HECW2: variants seen among roughly 807,000 people sequenced by gnomAD.
The protein encoded by HECW2 is E3 ubiquitin-protein ligase HECW2.
In HECW2, 61 loss-of-function variants were observed where a neutral mutation model predicts 175.2. The ratio of observed to expected loss-of-function variants is 0.35; its 90% CI spans 0.28 to 0.43. The LOEUF is 0.43. Ranked by LOEUF, HECW2 falls within the 20% of genes least tolerant of loss-of-function variation. The pLI, the probability that HECW2 is intolerant of heterozygous loss-of-function variation, is 1.00. For synonymous variants in HECW2, 671 were observed against 731.0 expected, an observed-to-expected ratio of 0.92 and a Z score of 1.32; for missense variants, 1,524 against 2,000.5, an observed-to-expected ratio of 0.76 and a Z score of 4.54.
intron 17 of HECW2, among the ~76,000 whole-genome samples, chr2:196,266,605 A>C (rs1049934696): frequency 3.9e-5 from 6 of 152,226 alleles, no homozygotes; most frequent in African/African-American, 4.8e-5. Context: ...ATTTTCACCA[A>C]GTACTTCAGT....
intron 1 of HECW2, among the ~76,000 whole-genome samples, chr2:196,495,463 T>C (rs1257377369): frequency 6.6e-6 from 1 of 152,142 alleles, no homozygotes; most frequent in Non-Finnish European, 1.5e-5. Flanking sequence ...AGATGATGGA[T>C]AGCTCTAAAA....
At chr2:196,458,863 TCAA>T (rs932591793) in intron 1 of HECW2, among the ~76,000 whole-genome samples, 50 of 150,972 alleles carry the variant, frequency 3.3e-4, no homozygotes, top group African/African-American at 1.1e-3. Flanking sequence ...AGACTCTGTC[TCAA>T]CAACAACAAC....
chr2:196,588,778 T>C (rs1691078447), intron 1 of HECW2, among the ~76,000 whole-genome samples: 1 of 152,212 alleles, frequency 6.6e-6, no homozygotes, highest in African/African-American at 2.4e-5. Flanking sequence ...CAGCCATAAA[T>C]CCTAGTTTTC....
intron 2 of HECW2, among the ~76,000 whole-genome samples, chr2:196,383,227 G>A (rs1040431302): frequency 1.3e-4 from 20 of 152,192 alleles, no homozygotes; most frequent in Admixed American, 5.9e-4. Context: ...TTAAAGAGGC[G>A]TATGAAGGAG....
chr2:196,563,273 T>C (rs1690067929), intron 1 of HECW2, among the ~76,000 whole-genome samples: 1 of 151,944 alleles, frequency 6.6e-6, no homozygotes, highest in Non-Finnish European at 1.5e-5. Flanking sequence ...ACGTAAAAAA[T>C]ATTCATTCCT....
chr2:196,262,420 C>T (rs924792839), intron 17 of HECW2, among the ~76,000 whole-genome samples: 4 of 152,186 alleles, frequency 2.6e-5, no homozygotes, highest in African/African-American at 9.7e-5. Flanking sequence ...TATCATTTGG[C>T]TCTCTCTACA....
chr2:196,399,146 T>C (rs1694749368), intron 2 of HECW2, among the ~76,000 whole-genome samples: 1 of 152,188 alleles, frequency 6.6e-6, no homozygotes, highest in African/African-American at 2.4e-5. Flanking sequence ...GTTGAGCATG[T>C]ACACTCCGGA....
intron 3 of HECW2, among the ~76,000 whole-genome samples, chr2:196,341,372 C>T (rs1423635176): frequency 6.7e-6 from 1 of 149,182 alleles, no homozygotes; most frequent in Non-Finnish European, 1.5e-5. Flanking sequence ...CTTTTAAACA[C>T]CAGGATCCTT....
intron 1 of HECW2, among the ~76,000 whole-genome samples, chr2:196,528,028 G>A (rs1475644374): frequency 6.6e-6 from 1 of 152,050 alleles, no homozygotes. Context: ...CCTCTAAAAG[G>A]TTCTTTTTCC....
At chr2:196,237,575 G>A (rs184581169) in intron 21 of HECW2, among the ~76,000 whole-genome samples, 1 of 152,096 alleles carries the variant, frequency 6.6e-6, no homozygotes, top group East Asian at 1.9e-4. Context: ...TACCATGTTG[G>A]CTCTATCCAC....
intron 1 of HECW2, among the ~76,000 whole-genome samples, chr2:196,528,920 C>T (rs1373875656): frequency 2.0e-5 from 3 of 152,204 alleles, no homozygotes; most frequent in Non-Finnish European, 2.9e-5. Flanking sequence ...CTCCAAAAAC[C>T]GTTAAATGAG....
At chr2:196,300,308 T>C (rs1481489440) in intron 13 of HECW2, among the ~76,000 whole-genome samples, 1 of 152,196 alleles carries the variant, frequency 6.6e-6, no homozygotes, top group Admixed American at 6.5e-5. Flanking sequence ...CTCTGGCCCT[T>C]TATAGGAAAA....
intron 13 of HECW2, among the ~76,000 whole-genome samples, chr2:196,298,453 T>C (rs1411271428): frequency 6.6e-6 from 1 of 152,254 alleles, no homozygotes; most frequent in Non-Finnish European, 1.5e-5. Context: ...TAAGGATTAC[T>C]AGGTATTACA....
chr2:196,586,836 C>G (rs182182614), intron 1 of HECW2: 43 of 152,136 alleles, frequency 2.8e-4, no homozygotes, highest in African/African-American at 1.0e-3. Context: ...TGAACAAATG[C>G]CAAAAGCTGA....
intron 2 of HECW2, among the ~76,000 whole-genome samples, chr2:196,418,388 A>T (rs1455228117): frequency 6.6e-6 from 1 of 152,056 alleles, no homozygotes; most frequent in Admixed American, 6.5e-5. Context: ...TCGGCCTCCC[A>T]AAGTGCTGTG....
chr2:196,409,051 T>C lies in HECW2; in HGVS notation c.292+24081A>G, dbSNP rs1418801949. On this transcript the variant is annotated intron_variant, in intron 2 of 28. Coordinates refer to ENST00000644978, the MANE Select transcript of HECW2 (RefSeq NM_001348768.2). ...GTTGTTAGATGTTGGTAGCTTGAAA[T>C]TGGCCATGGTAGAAGTATTTATACC... Among the ~76,000 whole-genome samples the C allele has an allele frequency of 5.9e-5, 9 of 152,268 alleles. 1 individual carries two copies. Among genetic ancestry groups the C allele is most frequent in the African/African-American group, 2.2e-4 (9 of 41,562 alleles).
chr2:196,537,390 C>T (rs767096968), intron 1 of HECW2, among the ~76,000 whole-genome samples: 2 of 152,050 alleles, frequency 1.3e-5, no homozygotes, highest in African/African-American at 4.8e-5. Flanking sequence ...CAGAGACCGG[C>T]GAGCTACATT....
intron 10 of HECW2, among the ~76,000 whole-genome samples, chr2:196,310,342 A>C (rs1167391462): frequency 3.3e-5 from 5 of 152,218 alleles, no homozygotes; most frequent in Admixed American, 6.5e-5. Context: ...GACCCCATAA[A>C]GACAAATTCT....
At chr2:196,376,752 G>A (rs1694063043) in intron 2 of HECW2, among the ~76,000 whole-genome samples, 2 of 151,636 alleles carry the variant, frequency 1.3e-5, no homozygotes, top group Middle Eastern at 3.2e-3. Context: ...TGACCAATAC[G>A]ATGAAACCCC....
Sources: gnomAD v4.1 joint callset for allele counts (sites outside exome capture counted in the v4.1 genomes callset) on GRCh38, gnomAD v4.1.1 for gene constraint, MANE v1.5 for transcripts, NCBI Gene and HGNC (gene_info 2026-07-23, HGNC 2026-07-21) for gene names.